The following PPFIBP2 variants were observed in gnomAD, a reference collection of about 807,000 sequenced individuals.
PPFIBP2 encodes the protein liprin-beta-2.
In PPFIBP2, 118 loss-of-function variants were observed where a neutral mutation model predicts 118.3. The ratio of observed to expected loss-of-function variants is 1.00; its 90% CI spans 0.86 to 1.16. The LOEUF is 1.16. PPFIBP2 is among the 50% of genes most tolerant of loss of function. The pLI, the probability that PPFIBP2 is intolerant of heterozygous loss-of-function variation, is 0.00. For synonymous variants in PPFIBP2, 414 were observed against 397.4 expected (o/e 1.04, Z -0.50); for missense variants, 1,195 against 1,073.1 (o/e 1.11, Z -1.59).
intron 1 of PPFIBP2, among the ~76,000 whole-genome samples, chr11:7,529,833 G>T (rs1850534827): frequency 6.6e-6 from 1 of 152,236 alleles, no homozygotes; most frequent in South Asian, 2.1e-4. Context: ...GAACCGAGGG[G>T]CTGTAAGAGT....
At chr11:7,559,167 G>T (rs971761684) in intron 2 of PPFIBP2, among the ~76,000 whole-genome samples, 3 of 152,194 alleles carry the variant, frequency 2.0e-5, no homozygotes, top group Non-Finnish European at 4.4e-5. Flanking sequence ...TCCCCAAAGA[G>T]AAACTTTAGG....
chr11:7,656,823 G>C (rs1394557932), downstream of PPFIBP2: 12 of 1,289,446 alleles, frequency 9.3e-6, no homozygotes, highest in Middle Eastern at 6.4e-4. Context: ...GAGAGCGTAG[G>C]GAGGCATGTG....
chr11:7,632,836 C>T (rs1850952391), intron 11 of PPFIBP2, 31 bp from the exon 12 acceptor site: 1 of 1,580,414 alleles, frequency 6.3e-7, no homozygotes, highest in Non-Finnish European at 8.7e-7. Context: ...ACAGACTGTC[C>T]TCTACCGTGA....
At chr11:7,578,839 A>G (rs1201780284) in intron 3 of PPFIBP2, among the ~76,000 whole-genome samples, 1 of 152,146 alleles carries the variant, frequency 6.6e-6, no homozygotes, top group African/African-American at 2.4e-5. Flanking sequence ...ATAGGGGATG[A>G]TGTATATACA....
intron 3 of PPFIBP2, among the ~76,000 whole-genome samples, chr11:7,573,257 A>C (rs930693518): frequency 1.3e-5 from 2 of 152,224 alleles, no homozygotes; most frequent in Non-Finnish European, 2.9e-5. Flanking sequence ...CAGGCAGTTC[A>C]TTCTGGATGG....
chr11:7,619,471 G>A (rs1219654649), intron 6 of PPFIBP2, among the ~76,000 whole-genome samples: 1 of 152,196 alleles, frequency 6.6e-6, no homozygotes, highest in Non-Finnish European at 1.5e-5. Flanking sequence ...ACGGGTTGAA[G>A]TTTATGAGCT....
chr11:7,622,991 C>T (rs999964009), intron 7 of PPFIBP2, among the ~76,000 whole-genome samples: 1 of 152,224 alleles, frequency 6.6e-6, no homozygotes, highest in African/African-American at 2.4e-5. Context: ...ATGTACCAAG[C>T]TATTTGCACA....
At chr11:7,641,079 TC>T in intron 15 of PPFIBP2, 1 of 1,267,352 alleles carries the variant, frequency 7.9e-7, no homozygotes, top group Non-Finnish European at 1.0e-6. Context: ...CTGTACCCAT[TC>T]CAGGTGAGGT....
chr11:7,619,928 G>C (rs553173066), intron 6 of PPFIBP2, among the ~76,000 whole-genome samples: 1 of 152,326 alleles, frequency 6.6e-6, no homozygotes, highest in South Asian at 2.1e-4. Context: ...CTGCAGTTCA[G>C]AAAGCCTATG....
intron 3 of PPFIBP2, among the ~76,000 whole-genome samples, chr11:7,569,291 C>T (rs541045210): frequency 2.0e-5 from 3 of 152,216 alleles, no homozygotes; most frequent in African/African-American, 7.2e-5. Context: ...TGCTGTTGGC[C>T]AGGACTTTGC....
chr11:7,580,998 T>C (rs918342195), intron 3 of PPFIBP2, among the ~76,000 whole-genome samples: 1 of 152,202 alleles, frequency 6.6e-6, no homozygotes, highest in Non-Finnish European at 1.5e-5. Context: ...ACCAAGCATA[T>C]TGAAGACCTA....
intron 1 of PPFIBP2, among the ~76,000 whole-genome samples, chr11:7,543,911 T>G (rs1180492156): frequency 6.6e-6 from 1 of 152,202 alleles, no homozygotes; most frequent in Non-Finnish European, 1.5e-5. Context: ...CTGGCCTTTG[T>G]GTGGTGCAGT....
At chr11:7,569,458 C>T (rs751123787) in intron 3 of PPFIBP2, among the ~76,000 whole-genome samples, 4 of 152,214 alleles carry the variant, frequency 2.6e-5, no homozygotes, top group Non-Finnish European at 4.4e-5. Context: ...GAAGTGGGCT[C>T]TGGGCCTAGA....
intron 11 of PPFIBP2, 33 bp downstream of exon 11, chr11:7,631,061 A>G: frequency 1.3e-6 from 2 of 1,552,890 alleles, no homozygotes; most frequent in Non-Finnish European, 1.8e-6. Flanking sequence ...GTAGGGTTTC[A>G]GCAGGTCCTC....
At chr11:7,662,486 T>G in the PPFIBP2 span, among the ~76,000 whole-genome samples, 4 of 151,850 alleles carry the variant, frequency 2.6e-5, no homozygotes, top group Non-Finnish European at 4.4e-5. Flanking sequence ...CCCACTCTCT[T>G]CTGGCTTGTA....
intron 17 of PPFIBP2, among the ~76,000 whole-genome samples, chr11:7,647,953 T>G (rs570821785): frequency 6.6e-5 from 10 of 151,960 alleles, no homozygotes; most frequent in African/African-American, 1.2e-4. Context: ...GGGTGTTTTG[T>G]TTTTTTTCTT....
intron 17 of PPFIBP2, among the ~76,000 whole-genome samples, chr11:7,643,990 G>A (rs1029200285): frequency 6.6e-6 from 1 of 152,104 alleles, no homozygotes; most frequent in African/African-American, 2.4e-5. Context: ...TCAGCATTGA[G>A]TAGTTAAATT....
chr11:7,613,701 T>C (rs960434727), intron 6 of PPFIBP2, among the ~76,000 whole-genome samples: 5 of 152,152 alleles, frequency 3.3e-5, no homozygotes, highest in African/African-American at 1.2e-4. Context: ...CAAAGGCGTG[T>C]TGCTCAGATG....
At chr11:7,659,040 T>C (rs1356193200), downstream of PPFIBP2, among the ~76,000 whole-genome samples, 1 of 134,478 alleles carries the variant, frequency 7.4e-6, no homozygotes, top group Non-Finnish European at 1.6e-5. Context: ...ATTCTGGATA[T>C]TAGCCCTTTG....
Sources: allele counts gnomAD v4.1 joint callset (sites outside exome capture counted in the v4.1 genomes callset), GRCh38; gene constraint gnomAD v4.1.1; transcripts MANE v1.5; gene names NCBI Gene and HGNC (gene_info 2026-07-23, HGNC 2026-07-21).